RNF217: variants seen among roughly 807,000 people sequenced by gnomAD.
RNF217 encodes the protein E3 ubiquitin-protein ligase RNF217.
A neutral mutation model predicts 57.8 loss-of-function variants in RNF217; 31 were observed. That is an observed-to-expected ratio of 0.54 (90% CI 0.40 to 0.72). The LOEUF is 0.72. RNF217 is among the 30% of genes least tolerant of loss of function. RNF217 has a pLI of 0.00. For missense variants in RNF217, 696 were observed against 708.3 expected (o/e 0.98, Z 0.20); for synonymous variants, 313 against 294.0 (o/e 1.06, Z -0.66).
intron 2 of RNF217, among the ~76,000 whole-genome samples, chr6:125,046,928 AAG>A (rs1301430525): frequency 6.6e-6 from 1 of 152,104 alleles, no homozygotes; most frequent in Admixed American, 6.6e-5. Context: ...CTTCTATAAA[AAG>A]CATTATTTTT....
intron 3 of RNF217, among the ~76,000 whole-genome samples, chr6:125,058,373 A>T (rs1322192656): frequency 6.6e-6 from 1 of 152,174 alleles, no homozygotes; most frequent in East Asian, 1.9e-4. Flanking sequence ...TATTACATTT[A>T]AAAATGAGGA....
intron 1 of RNF217, among the ~76,000 whole-genome samples, chr6:124,964,122 T>C (rs1436351433): frequency 6.6e-6 from 1 of 152,250 alleles, no homozygotes; most frequent in Non-Finnish European, 1.5e-5. Flanking sequence ...CTTGGTTTTT[T>C]TTCTTGGAAA....
chr6:125,025,298 T>C (rs770327044), intron 1 of RNF217, among the ~76,000 whole-genome samples: 19 of 152,198 alleles, frequency 1.2e-4, no homozygotes, highest in Non-Finnish European at 2.4e-4. Flanking sequence ...TTAAATAATC[T>C]TTCATTTGGC....
At chr6:124,988,578 A>C (rs1186856515) in intron 1 of RNF217, among the ~76,000 whole-genome samples, 1 of 152,202 alleles carries the variant, frequency 6.6e-6, no homozygotes, top group African/African-American at 2.4e-5. Context: ...TTAAAAACCC[A>C]AAATGTTCAC....
chr6:124,987,082 GT>G (rs533197777), intron 1 of RNF217, among the ~76,000 whole-genome samples: 2 of 152,066 alleles, frequency 1.3e-5, no homozygotes, highest in South Asian at 2.1e-4. Context: ...TAATTTGGAC[GT>G]TTTTTATACG....
intron 1 of RNF217, among the ~76,000 whole-genome samples, chr6:125,044,352 T>A (rs1331705873): frequency 1.3e-5 from 2 of 152,158 alleles, no homozygotes; most frequent in African/African-American, 2.4e-5. Context: ...CTACTCATTA[T>A]TTCAAAGTAG....
intron 1 of RNF217, among the ~76,000 whole-genome samples, chr6:125,036,237 C>T (rs976218425): frequency 1.3e-5 from 2 of 152,082 alleles, no homozygotes; most frequent in Non-Finnish European, 2.9e-5. Context: ...TCATCCATGT[C>T]CCTGCAAAGG....
chr6:125,064,523 TAA>T (rs1418916992), intron 3 of RNF217, among the ~76,000 whole-genome samples: 1 of 152,116 alleles, frequency 6.6e-6, no homozygotes, highest in Non-Finnish European at 1.5e-5. Context: ...AAAATAGAAA[TAA>T]GTGAAAATAT....
intron 1 of RNF217, chr6:124,971,448 G>GT (rs985123824): frequency 2.9e-3 from 896 of 310,350 alleles, no homozygotes; most frequent in Middle Eastern, 7.1e-3. Flanking sequence ...TTACTGTTAA[G>GT]TTTTTTTTTG....
chr6:125,045,016 G>A (rs762296813), intron 1 of RNF217, among the ~76,000 whole-genome samples, 195 bp from the exon 2 acceptor site: 5 of 151,954 alleles, frequency 3.3e-5, no homozygotes, highest in Non-Finnish European at 7.4e-5. Flanking sequence ...AGTCATTTCA[G>A]AAACATTACG....
chr6:124,975,028 T>TA (rs1783908054), intron 1 of RNF217, among the ~76,000 whole-genome samples: 1 of 152,228 alleles, frequency 6.6e-6, no homozygotes, highest in African/African-American at 2.4e-5. Context: ...TGTGAATGAC[T>TA]AATCCCTTTT....
At chr6:124,966,035 T>C (rs923329184) in intron 1 of RNF217, among the ~76,000 whole-genome samples, 2 of 152,198 alleles carry the variant, frequency 1.3e-5, no homozygotes, top group African/African-American at 4.8e-5. Flanking sequence ...GTGTTCTGCA[T>C]TGGCACTAAA....
chr6:125,028,432 G>C (rs902723739), intron 1 of RNF217, among the ~76,000 whole-genome samples: 1 of 151,794 alleles, frequency 6.6e-6, no homozygotes, highest in East Asian at 1.9e-4. Flanking sequence ...TATTTCTTTT[G>C]GAACTACACT....
chr6:125,002,524 C>A (rs1785028149), intron 1 of RNF217, among the ~76,000 whole-genome samples: 1 of 152,116 alleles, frequency 6.6e-6, no homozygotes, highest in African/African-American at 2.4e-5. Flanking sequence ...TTATTTACTT[C>A]CAACCTGAAT....
At chr6:125,013,056 A>G (rs1785469208) in intron 1 of RNF217, among the ~76,000 whole-genome samples, 1 of 152,152 alleles carries the variant, frequency 6.6e-6, no homozygotes, top group Non-Finnish European at 1.5e-5. Flanking sequence ...GAATTGAAAC[A>G]TACTTGAAAT....
intron 2 of RNF217, among the ~76,000 whole-genome samples, chr6:125,046,988 G>A (rs1427705963): frequency 6.6e-6 from 1 of 152,044 alleles, no homozygotes; most frequent in Admixed American, 6.6e-5. Flanking sequence ...CAGTGGTGTT[G>A]AAGGCTAACT....
At chr6:125,030,839 G>A (rs1178782750) in intron 1 of RNF217, among the ~76,000 whole-genome samples, 5 of 152,096 alleles carry the variant, frequency 3.3e-5, no homozygotes, top group East Asian at 1.9e-4. Context: ...TCCACTAGAC[G>A]GTGCCCCAAT....
intron 1 of RNF217, among the ~76,000 whole-genome samples, chr6:125,030,650 A>G: frequency 6.6e-6 from 1 of 152,168 alleles, no homozygotes; most frequent in East Asian, 1.9e-4. Context: ...CTGATGCAAG[A>G]GGTGGGTTCC....
chr6:125,020,994 G>A (rs1283295453), intron 1 of RNF217, among the ~76,000 whole-genome samples: 1 of 152,078 alleles, frequency 6.6e-6, no homozygotes, highest in East Asian at 1.9e-4. Flanking sequence ...ATCATGGAAC[G>A]TAAATAAACA....
Sources: gnomAD v4.1 joint callset for allele counts (sites outside exome capture counted in the v4.1 genomes callset) on GRCh38, gnomAD v4.1.1 for gene constraint, MANE v1.5 for transcripts, NCBI Gene and HGNC (gene_info 2026-07-23, HGNC 2026-07-21) for gene names.